The following TMEM200A variants were observed in gnomAD, a reference collection of about 807,000 sequenced individuals.
The protein encoded by TMEM200A is two transmembrane C.
A neutral mutation model predicts 24.3 loss-of-function variants in TMEM200A; 12 were observed. That is an observed-to-expected ratio of 0.49 (90% CI 0.32 to 0.80). The LOEUF is 0.80. TMEM200A is among the 30% of genes least tolerant of loss of function. The pLI is 0.04. For missense variants in TMEM200A, 545 were observed against 614.4 expected (o/e 0.89, Z 1.19); for synonymous variants, 224 against 224.4 (o/e 1.00, Z 0.02).
chr6:130,379,704 A>T (rs1778551741), intron 1 of TMEM200A, among the ~76,000 whole-genome samples: 1 of 152,172 alleles, frequency 6.6e-6, no homozygotes, highest in South Asian at 2.1e-4. Flanking sequence ...GGGGCACATT[A>T]AATTTGAGAT....
intron 1 of TMEM200A, among the ~76,000 whole-genome samples, chr6:130,379,756 A>G (rs1425683441): frequency 6.6e-6 from 1 of 152,160 alleles, no homozygotes; most frequent in Non-Finnish European, 1.5e-5. Flanking sequence ...GATGGGACAG[A>G]TGGGGCTGGT....
chr6:130,389,574 T>TA (rs1170639576), intron 2 of TMEM200A, among the ~76,000 whole-genome samples: 2 of 151,986 alleles, frequency 1.3e-5, no homozygotes, highest in African/African-American at 4.8e-5. Context: ...AACAATAATA[T>TA]AGCTTGTTAG....
chr6:130,399,014 A>G (rs754709382), intron 2 of TMEM200A, among the ~76,000 whole-genome samples: 2 of 151,878 alleles, frequency 1.3e-5, no homozygotes, highest in Non-Finnish European at 2.9e-5. Context: ...TTGTCTGAAA[A>G]TATATTTATT....
chr6:130,432,719 G>A (rs926822826), intron 2 of TMEM200A, among the ~76,000 whole-genome samples: 2 of 152,154 alleles, frequency 1.3e-5, no homozygotes, highest in Non-Finnish European at 2.9e-5. Context: ...ACTTATCTTT[G>A]AAAATTCCTT....
chr6:130,365,643 A>T (rs2115053413), upstream of TMEM200A: 5 of 985,312 alleles, frequency 5.1e-6, no homozygotes, highest in Non-Finnish European at 6.0e-6. Context: ...GTCCCGCGGT[A>T]GCTAGAGGCG....
intron 1 of TMEM200A, among the ~76,000 whole-genome samples, chr6:130,367,232 A>G (rs1427751941): frequency 2.0e-5 from 3 of 152,202 alleles, no homozygotes; most frequent in African/African-American, 7.2e-5. Context: ...GTAATTGACT[A>G]ATTGGAATCA....
At position 130,421,780 on chromosome 6, in the gene TMEM200A, T is replaced by C. The variant is rs985355859; in HGVS notation, c.-16-18627T>C. On this transcript the variant is annotated intron_variant, in intron 2 of 2. Transcript: ENST00000296978. ...TTTAGATTCCATGTAAGTGAGATCA[T>C]ACAGTATTTTTCTTTTTGTCTGGCT... is the stretch of plus-strand genomic sequence containing the variant. Among the ~76,000 whole-genome samples, 5 of 152,246 alleles carry C rather than the reference T, an allele frequency of 3.3e-5. No homozygotes were observed. In the East Asian group the frequency reaches 9.6e-4, roughly 29 times the overall value.
intron 2 of TMEM200A, among the ~76,000 whole-genome samples, chr6:130,429,118 T>C (rs1779815494): frequency 6.6e-6 from 1 of 152,190 alleles, no homozygotes; most frequent in Non-Finnish European, 1.5e-5. Context: ...TATTTATGTA[T>C]AGATTTAGCA....
intron 1 of TMEM200A, among the ~76,000 whole-genome samples, chr6:130,380,454 A>T (rs887491022): frequency 5.3e-5 from 8 of 152,224 alleles, no homozygotes; most frequent in Non-Finnish European, 1.0e-4. Flanking sequence ...TATAAAATTT[A>T]AAAAAGAAGT....
chr6:130,439,743 G>A (rs1256257538), intron 2 of TMEM200A, among the ~76,000 whole-genome samples: 1 of 152,122 alleles, frequency 6.6e-6, no homozygotes, highest in Non-Finnish European at 1.5e-5. Context: ...AGAAGTAGGA[G>A]AACTTAACAT....
At chr6:130,392,722 T>C (rs1012805636) in intron 2 of TMEM200A, among the ~76,000 whole-genome samples, 4 of 152,196 alleles carry the variant, frequency 2.6e-5, no homozygotes, top group African/African-American at 7.2e-5. Context: ...AGCTCAAGCA[T>C]TTCTTCATCT....
intron 2 of TMEM200A, among the ~76,000 whole-genome samples, chr6:130,433,100 C>T (rs998532068): frequency 4.6e-5 from 7 of 151,170 alleles, no homozygotes; most frequent in African/African-American, 1.5e-4. Flanking sequence ...CCAGTGGCCA[C>T]GTGAAAAACA....
At chr6:130,439,548 T>C (rs1780102114) in intron 2 of TMEM200A, 1 of 152,140 alleles carries the variant, frequency 6.6e-6, no homozygotes, top group African/African-American at 2.4e-5. Flanking sequence ...AAGTGTGAAA[T>C]TGAAACTCAG....
At chr6:130,418,050 C>G (rs1431388595) in intron 2 of TMEM200A, among the ~76,000 whole-genome samples, 1 of 152,170 alleles carries the variant, frequency 6.6e-6, no homozygotes, top group Non-Finnish European at 1.5e-5. Context: ...CTTCCTCCTC[C>G]AGACTCCTGC....
chr6:130,436,631 C>CTTTTTTTTTTTTTTTTTT, intron 2 of TMEM200A, among the ~76,000 whole-genome samples: 1 of 92,960 alleles, frequency 1.1e-5, no homozygotes, highest in South Asian at 4.1e-4. Flanking sequence ...TTTCTTTATC[C>CTTTTTTTTTTTTTTTTTT]TTTTTTTTTT....
intron 2 of TMEM200A, among the ~76,000 whole-genome samples, chr6:130,407,867 C>T (rs1038933022): frequency 2.0e-5 from 3 of 152,178 alleles, no homozygotes; most frequent in Admixed American, 6.5e-5. Context: ...ACATCTCAGA[C>T]CTGATCTCTG....
chr6:130,441,495 A>C lies in TMEM200A; in HGVS notation c.1073A>C (p.Gln358Pro). 6.2e-7 allele frequency: 1 copy of C among 1,614,076 alleles called. No homozygotes were observed. Among genetic ancestry groups the C allele is most frequent in the Non-Finnish European group, 8.5e-7 (1 of 1,179,988 alleles). Residue 358 changes from glutamine (Q) to proline (P), a missense_variant, in exon 3 of 3, where the codon CAG (glutamine) becomes CCG (proline). Transcript: ENST00000296978. The stretch of plus-strand genomic sequence containing the variant: ...TCCATTGGGGAGTCGTTGTCGAGTC[A>C]GTACAAGTCATCTATGGCTCTCGGA... Reference protein sequence around the residue: ...NNSIGESLSSQYKSSMALGPG... With the variant: ...NNSIGESLSSPYKSSMALGPG...
At chr6:130,409,941 A>G (rs1779295053) in intron 2 of TMEM200A, among the ~76,000 whole-genome samples, 1 of 152,138 alleles carries the variant, frequency 6.6e-6, no homozygotes. Context: ...ATGAGAAGTT[A>G]ATTTTTAGTT....
intron 2 of TMEM200A, among the ~76,000 whole-genome samples, chr6:130,420,536 C>A (rs111335633): frequency 1.3e-5 from 2 of 152,150 alleles, no homozygotes; most frequent in African/African-American, 4.8e-5. Context: ...AAGTAAGTCA[C>A]CTCTCTATGC....
Sources: gnomAD v4.1 joint callset for allele counts (sites outside exome capture counted in the v4.1 genomes callset) on GRCh38, gnomAD v4.1.1 for gene constraint, MANE v1.5 for transcripts, NCBI Gene and HGNC (gene_info 2026-07-23, HGNC 2026-07-21) for gene names.